SMKR1: variants seen among roughly 807,000 people sequenced by gnomAD.
The protein encoded by SMKR1 is small lysine-rich protein 1.
In SMKR1, 4 loss-of-function variants were observed where a neutral mutation model predicts 4.0. That is an observed-to-expected ratio of 1.00 (90% CI 0.49 to 2.30). The LOEUF (loss-of-function observed/expected upper bound fraction) is 2.30. Among genes scored for constraint, SMKR1 ranks in the 30% most tolerant of loss-of-function variants. The pLI, the probability that SMKR1 is intolerant of heterozygous loss-of-function variation, is 0.02. For missense variants in SMKR1, 56 were observed against 81.8 expected, an observed-to-expected ratio of 0.68 and a Z score of 1.22; for synonymous variants, 38 against 32.5, an observed-to-expected ratio of 1.17 and a Z score of -0.58.
At chr7:129,507,153 C>G (rs1799475731) in intron 1 of SMKR1, among the ~76,000 whole-genome samples, 5 of 151,842 alleles carry the variant, frequency 3.3e-5, no homozygotes, top group Admixed American at 3.3e-4. Flanking sequence ...GTAGCTGGGA[C>G]TACAGGCGCC....
rs111716888 is a variant in SMKR1, at chr7:129,511,500, T to C, written c.4-747T>C. 6.2e-3 allele frequency among the ~76,000 whole-genome samples: 942 copies of C among 152,352 alleles called. 12 individuals carry two copies. The highest frequency in any genetic ancestry group is 0.022 in the African/African-American group (901 of 41,578). On this transcript the variant is annotated intron_variant, in intron 1 of 1. Coordinates refer to ENST00000462322, the MANE Select transcript of SMKR1 (RefSeq NM_001195243.2). Reference sequence around the variant, plus strand: ...GATTTGCTGCCATTGTCAGACCTAATAGAATTACTAATAATTCCTTGACAT... The same window carrying C: ...GATTTGCTGCCATTGTCAGACCTAACAGAATTACTAATAATTCCTTGACAT...
At chr7:129,509,260 C>T (rs766620820) in intron 1 of SMKR1, among the ~76,000 whole-genome samples, 9 of 152,244 alleles carry the variant, frequency 5.9e-5, no homozygotes, top group East Asian at 3.9e-4. Context: ...TTGCAGTGAG[C>T]CAATATCATG....
intron 1 of SMKR1, among the ~76,000 whole-genome samples, chr7:129,507,595 T>C (rs1436759026): frequency 6.6e-6 from 1 of 152,260 alleles, no homozygotes; most frequent in East Asian, 1.9e-4. Flanking sequence ...TTAAAGAGGC[T>C]GCAAACTGTT....
At chr7:129,506,826 G>A (rs539787338) in intron 1 of SMKR1, among the ~76,000 whole-genome samples, 5 of 149,974 alleles carry the variant, frequency 3.3e-5, no homozygotes, top group African/African-American at 9.8e-5. Context: ...CTATCCATTC[G>A]CCTGCTGATG....
chr7:129,503,248 C>T (rs1799429694), intron 1 of SMKR1, among the ~76,000 whole-genome samples: 1 of 151,790 alleles, frequency 6.6e-6, no homozygotes, highest in Non-Finnish European at 1.5e-5. Context: ...AGCCTGGTAC[C>T]ACCACCTTGC....
rs1352612807 is a variant in SMKR1, at chr7:129,512,398, A to G, written c.155A>G (p.His52Arg). 5 of 1,535,908 alleles carry G rather than the reference A, an allele frequency of 3.3e-6. No individual in the cohort carries two copies. The highest frequency in any genetic ancestry group is 2.7e-5 in the African/African-American group (2 of 73,146). The change falls in exon 2 of 2, where the codon CAT becomes CGT. Residue 52 changes from histidine to arginine, a missense_variant. Transcript: ENST00000462322. ...GACTGCCTGCATCTGCGAGGCTTCC[A>G]TTGGCCGGGTGCTCCCAAAGGAAAG... ...VADCLHLRGF[H>R]WPGAPKGKKG...
chr7:129,510,434 G>C lies in SMKR1; in HGVS notation c.4-1813G>C, dbSNP rs147799771. ...AAATACAGCTCTGAGTGTTGGTGGT[G>C]TTAAAGATGATGGCACAGGCCGGGC... On this transcript the variant is annotated intron_variant, in intron 1 of 1. Transcript: ENST00000462322. Among the ~76,000 whole-genome samples the C allele has an allele frequency of 6.0e-3, 912 of 152,324 alleles. 6 individuals are homozygous for C. The highest frequency in any genetic ancestry group is 9.3e-3 in the Non-Finnish European group (631 of 68,020).
intron 1 of SMKR1, among the ~76,000 whole-genome samples, chr7:129,511,407 G>A (rs1255973682): frequency 6.6e-6 from 1 of 152,150 alleles, no homozygotes; most frequent in African/African-American, 2.4e-5. Context: ...CAAACCTCAG[G>A]CCTTCTTTCA....
chr7:129,507,573 G>A (rs1347425962), intron 1 of SMKR1, among the ~76,000 whole-genome samples: 1 of 152,222 alleles, frequency 6.6e-6, no homozygotes, highest in African/African-American at 2.4e-5. Flanking sequence ...TGGTAGACAT[G>A]TGTTTAACTT....
intron 1 of SMKR1, among the ~76,000 whole-genome samples, chr7:129,510,960 C>T (rs980153153): frequency 3.3e-5 from 5 of 152,164 alleles, no homozygotes. Context: ...AGGCGCTTGC[C>T]ACCATGCCCA....
In SMKR1 at chr7:129,512,589, G is replaced by C. The variant is rs1397618994; in HGVS notation, c.*148G>C. 4.8e-6 allele frequency: 4 copies of C among 833,732 alleles called. No homozygotes were observed. The highest frequency in any genetic ancestry group is 5.3e-6 in the Non-Finnish European group (3 of 567,592). 51.6% of individuals were successfully genotyped at this position (833,732 alleles called of 1,614,324 possible). A position where few individuals can be genotyped will look rare whatever the true frequency, so the allele number is the denominator to read the frequency against. On this transcript the variant is annotated 3_prime_UTR_variant, in exon 2 of 2. Coordinates refer to ENST00000462322, the MANE Select transcript of SMKR1 (RefSeq NM_001195243.2). ...GCTTTTCTGTGATGGTGGAAGATCA[G>C]GAAATGCACCTTACTTCCTCTGTTA...
chr7:129,511,151 G>A (rs1371217294), intron 1 of SMKR1, among the ~76,000 whole-genome samples: 1 of 152,176 alleles, frequency 6.6e-6, no homozygotes, highest in Non-Finnish European at 1.5e-5. Flanking sequence ...TAAACCTCAT[G>A]ACTGCTTAAT....
intron 1 of SMKR1, among the ~76,000 whole-genome samples, chr7:129,511,540 G>A (rs1213304335): frequency 6.6e-6 from 1 of 152,158 alleles, no homozygotes; most frequent in Admixed American, 6.6e-5. Flanking sequence ...AGATTTCCCT[G>A]ATTAACTCAA....
Position 129,512,273 on chromosome 7 carries a change from C to A in SMKR1, c.30C>A (p.Gly10=). 1 of 1,530,198 alleles carries A rather than the reference C, an allele frequency of 6.5e-7. No individual in the cohort carries two copies. Among genetic ancestry groups the A allele is most frequent in the South Asian group, 1.2e-5 (1 of 82,668 alleles). 94.8% of individuals were successfully genotyped at this position (1,530,198 alleles called of 1,614,324 possible). The change falls in exon 2 of 2, where the codon GGC becomes GGA. Residue 10 remains glycine, a synonymous_variant. Transcript: ENST00000462322. The part of the protein sequence containing the change: MPAKGKKGK[G]QGKSHGKKQK... ...CAGCTAAAGGGAAAAAAGGAAAAGGCCAGGGCAAGTCTCATGGGAAGAAAC... is the reference window on the plus strand; with the variant it reads ...CAGCTAAAGGGAAAAAAGGAAAAGGACAGGGCAAGTCTCATGGGAAGAAAC...
chr7:129,512,180 G>A, intron 1 of SMKR1, 67 bp from the exon 2 acceptor site: 1 of 1,421,002 alleles, frequency 7.0e-7, no homozygotes, highest in Non-Finnish European at 9.2e-7. Flanking sequence ...GTGAAACCCT[G>A]TCTCAAAAAA....
In SMKR1 at chr7:129,507,258, G is replaced by A. The variant is rs192306813; in HGVS notation, c.3+4431G>A. ...TCTCGATCTCCTGACTTTGTGATCCGCCCACCTCGGACTCCCAAAGTGCTG... is the reference window on the plus strand; with the variant it reads ...TCTCGATCTCCTGACTTTGTGATCCACCCACCTCGGACTCCCAAAGTGCTG... On this transcript the variant is annotated intron_variant, in intron 1 of 1. Transcript: ENST00000462322. 3.8e-3 allele frequency among the ~76,000 whole-genome samples: 572 copies of A among 152,028 alleles called. 3 individuals carry two copies. Among genetic ancestry groups the A allele is most frequent in the African/African-American group, 0.012 (493 of 41,460 alleles).
chr7:129,510,899 C>T (rs1337526437), intron 1 of SMKR1, among the ~76,000 whole-genome samples: 3 of 152,074 alleles, frequency 2.0e-5, no homozygotes, highest in African/African-American at 7.2e-5. Context: ...ACCTCTGGCT[C>T]CTGGGTTCAG....
At chr7:129,511,798 G>C (rs921709442) in intron 1 of SMKR1, among the ~76,000 whole-genome samples, 1 of 152,180 alleles carries the variant, frequency 6.6e-6, no homozygotes, top group Non-Finnish European at 1.5e-5. Context: ...GATGCAAACT[G>C]TTTGTTGTGG....
chr7:129,502,742 C>A lies in SMKR1; in HGVS notation c.-83C>A. 6.5e-7 allele frequency: 1 copy of A among 1,530,670 alleles called. No individual in the cohort carries two copies. The highest frequency in any genetic ancestry group is 2.0e-5 in the Admixed American group (1 of 50,958). 94.8% of individuals were successfully genotyped at this position (1,530,670 alleles called of 1,614,324 possible). On this transcript the variant is annotated 5_prime_UTR_variant, in exon 1 of 2. The change creates a new upstream start codon in the 5' untranslated region. Coordinates refer to ENST00000462322, the MANE Select transcript of SMKR1 (RefSeq NM_001195243.2). ...GCCGGGGGTGCTAGGGGAACGGGCG[C>A]TGGGGGCAGCGGCCCCGGTGGATGC...
Sources: allele counts gnomAD v4.1 joint callset (sites outside exome capture counted in the v4.1 genomes callset), GRCh38; gene constraint gnomAD v4.1.1; transcripts MANE v1.5; gene names NCBI Gene and HGNC (gene_info 2026-07-23, HGNC 2026-07-21).